Variants in LMTK2 observed in about 807,000 individuals in gnomAD.
The protein encoded by LMTK2 is lemur tail kinase 2, also known as serine/threonine-protein kinase LMTK2.
A neutral mutation model predicts 127.5 loss-of-function variants in LMTK2; 37 were observed. The observed-to-expected ratio is 0.29, with a 90% CI of 0.22 to 0.38. The LOEUF (loss-of-function observed/expected upper bound fraction) is 0.38, where lower values mean the gene tolerates loss of function less well. Among genes scored for constraint, LMTK2 ranks in the 10% least tolerant of loss-of-function variants. The pLI is 1.00. For synonymous variants in LMTK2, 819 were observed against 810.1 expected, an observed-to-expected ratio of 1.01 and a Z score of -0.19; for missense variants, 1,694 against 1,920.3, an observed-to-expected ratio of 0.88 and a Z score of 2.20.
Position 98,194,115 on chromosome 7 carries a change from C to G in LMTK2, c.3650C>G (p.Thr1217Arg). Residue 1217 changes from threonine (T) to arginine (R), a missense_variant, in exon 11 of 14, where the codon ACA becomes AGA. Physicochemically the swap from Thr to Arg is moderately conservative, Grantham distance 71. This residue lies in a region of LMTK2 where 554 missense variants were observed against 567.7 expected (regional missense o/e 0.98). Coordinates refer to ENST00000297293, the MANE Select transcript of LMTK2 (RefSeq NM_014916.4). The surrounding 1 kb of genome is among the most constrained non-coding windows in gnomAD (Gnocchi z 5.4). ...AELSSGDDFETQDDRPCTLAS... is the reference protein window; with the variant it reads ...AELSSGDDFERQDDRPCTLAS... ...CTTAGCAGCGGCGATGACTTCGAGA[C>G]ACAGGACGATCGCCCCTGCACCCTC... is the stretch of plus-strand genomic sequence containing the variant. 6.2e-7 allele frequency: 1 copy of G among 1,614,116 alleles called. No individual in the cohort carries two copies. The highest frequency in any genetic ancestry group is 8.5e-7 in the Non-Finnish European group (1 of 1,180,038).
intron 6 of LMTK2, among the ~76,000 whole-genome samples, chr7:98,166,875 G>T (rs1360750406): frequency 1.3e-5 from 2 of 152,166 alleles, no homozygotes; most frequent in Non-Finnish European, 2.9e-5. Flanking sequence ...AGTGACACAC[G>T]ACTGTATTTT....
At chr7:98,200,735 C>A (rs1797693417) in intron 11 of LMTK2, among the ~76,000 whole-genome samples, 1 of 152,158 alleles carries the variant, frequency 6.6e-6, no homozygotes, top group Non-Finnish European at 1.5e-5. Context: ...CTCCTGCAGA[C>A]TTTCAGTCAT....
At position 98,190,946 on chromosome 7, in the gene LMTK2, A is replaced by G. The variant is rs560350922; in HGVS notation, c.1148+69A>G. 3 of 1,442,440 alleles carry G rather than the reference A, an allele frequency of 2.1e-6. No individual in the cohort carries two copies. In the East Asian group the frequency reaches 6.9e-5, roughly 33 times the overall value. The allele number at this position is 1,442,440 out of a possible 1,614,324, so 89.4% of individuals were successfully genotyped here. A position where few individuals can be genotyped will look rare whatever the true frequency, so the allele number is the denominator to read the frequency against. On this transcript the variant is annotated intron_variant, in intron 10 of 13. Coordinates refer to ENST00000297293, the MANE Select transcript of LMTK2 (RefSeq NM_014916.4). ...TGAGGTGTCCCCAAAACACAAAAAAATTCGTGGGCCAAATATTATGTTTCT... is the reference window on the plus strand; with the variant it reads ...TGAGGTGTCCCCAAAACACAAAAAAGTTCGTGGGCCAAATATTATGTTTCT...
At chr7:98,132,481 C>G (rs1796535101) in intron 1 of LMTK2, among the ~76,000 whole-genome samples, 1 of 152,136 alleles carries the variant, frequency 6.6e-6, no homozygotes, top group South Asian at 2.1e-4. Flanking sequence ...AATCTCCTGA[C>G]CTTGCGGTCC....
chr7:98,198,526 G>A (rs547936012), intron 11 of LMTK2, among the ~76,000 whole-genome samples: 34 of 151,826 alleles, frequency 2.2e-4, no homozygotes, highest in African/African-American at 8.2e-4. Context: ...TCGCTCTGTC[G>A]CCCAGGCTGT....
At chr7:98,134,040 G>A (rs1796563122) in intron 1 of LMTK2, among the ~76,000 whole-genome samples, 2 of 152,146 alleles carry the variant, frequency 1.3e-5, no homozygotes, top group African/African-American at 4.8e-5. Flanking sequence ...AAGTGTTAAA[G>A]GTTAACCACA....
rs1033667350 is a variant in LMTK2 at position 98,169,042 on chromosome 7, TAACATA to T, written c.658-2493_658-2488del. On this transcript the variant is annotated intron_variant, in intron 6 of 13. Transcript: ENST00000297293. ...AATGAATCAAATTTTAGTACTTGCT[TAACATA>T]AACATTTTTACTCTAATTAAAGATT... 5.3e-5 allele frequency among the ~76,000 whole-genome samples: 8 copies of T among 152,194 alleles called. No individual in the cohort carries two copies. In the East Asian group the frequency reaches 1.2e-3, roughly 22 times the overall value.
chr7:98,107,875 C>G (rs1210082198), intron 1 of LMTK2, among the ~76,000 whole-genome samples: 3 of 152,126 alleles, frequency 2.0e-5, no homozygotes, highest in Non-Finnish European at 4.4e-5. Context: ...TATTGACAAA[C>G]TGGCTTAAGG....
At position 98,208,151 on chromosome 7, in the gene LMTK2, A is replaced by T. The variant is rs1014103086; in HGVS notation, c.*2659A>T. On this transcript the variant is annotated 3_prime_UTR_variant, in exon 14 of 14. Transcript: ENST00000297293. ...TTTTCATAACATAATTCCCATTTTT[A>T]TTTATTTTGAGTCACTCATAATTAA... 2 of 151,534 alleles carry T rather than the reference A, an allele frequency of 1.3e-5. No individual in the cohort carries two copies. The highest frequency in any genetic ancestry group is 2.4e-5 in the African/African-American group (1 of 41,236). The allele number at this position is 151,534 out of a possible 1,614,324, so 9.4% of individuals were successfully genotyped here.
chr7:98,132,271 GA>G (rs1796530505), intron 1 of LMTK2, among the ~76,000 whole-genome samples: 1 of 151,092 alleles, frequency 6.6e-6, no homozygotes, highest in Non-Finnish European at 1.5e-5. Context: ...TTTTTTTTGA[GA>G]CGGAGTCTCA....
chr7:98,109,299 A>C (rs533393100), intron 1 of LMTK2, among the ~76,000 whole-genome samples: 7 of 152,346 alleles, frequency 4.6e-5, no homozygotes, highest in African/African-American at 1.4e-4. Flanking sequence ...TCAAATCTTG[A>C]CATACATATA....
intron 5 of LMTK2, 46 bp downstream of exon 5, chr7:98,154,922 G>C (rs1434751206): frequency 9.0e-7 from 1 of 1,113,814 alleles, no homozygotes; most frequent in Non-Finnish European, 1.4e-6. Context: ...TCTGTGGTCT[G>C]TTGAAGGTCA....
chr7:98,122,489 C>T (rs186012269), intron 1 of LMTK2, among the ~76,000 whole-genome samples: 1 of 152,170 alleles, frequency 6.6e-6, no homozygotes, highest in Admixed American at 6.5e-5. Context: ...GTGGAACAGT[C>T]AACAAATGTC....
chr7:98,197,782 C>T (rs1797649101), intron 11 of LMTK2, among the ~76,000 whole-genome samples: 1 of 152,212 alleles, frequency 6.6e-6, no homozygotes, highest in Admixed American at 6.5e-5. Context: ...TTTGAGAGTG[C>T]AGTGAGCTAT....
intron 1 of LMTK2, among the ~76,000 whole-genome samples, chr7:98,136,863 C>T (rs551577028): frequency 1.8e-4 from 28 of 152,258 alleles, no homozygotes; most frequent in African/African-American, 4.8e-4. Context: ...CGAGGAAAGA[C>T]GAGAAGCTGT....
At chr7:98,108,337 G>A (rs997974212) in intron 1 of LMTK2, among the ~76,000 whole-genome samples, 1 of 152,112 alleles carries the variant, frequency 6.6e-6, no homozygotes, top group Non-Finnish European at 1.5e-5. Context: ...GAGGTCAAGA[G>A]TTATTTTGGA....
chr7:98,168,652 A>G (rs1335015747), intron 6 of LMTK2, among the ~76,000 whole-genome samples: 4 of 152,226 alleles, frequency 2.6e-5, no homozygotes, highest in South Asian at 2.1e-4. Flanking sequence ...CAGAAAAGCT[A>G]TATAAAGCCC....
chr7:98,191,626 A>G lies in LMTK2; in HGVS notation c.1161A>G (p.Leu387=). 1 of 1,605,148 alleles carries G rather than the reference A, an allele frequency of 6.2e-7. No homozygotes were observed. Among genetic ancestry groups the G allele is most frequent in the Non-Finnish European group, 8.5e-7 (1 of 1,175,710 alleles). ...QPYSDRWYEV[L]QFCWLSPEKR... ...GTGTGCTGCTCAGGTATGAAGTCTT[A>G]CAGTTCTGTTGGCTGTCACCAGAAA... is the stretch of plus-strand genomic sequence containing the variant. The change falls in exon 11 of 14, where the codon TTA becomes TTG. Residue 387 remains leucine (L), a synonymous_variant. Transcript: ENST00000297293.
At chr7:98,185,721 T>C (rs1223189335) in intron 8 of LMTK2, among the ~76,000 whole-genome samples, 1 of 149,848 alleles carries the variant, frequency 6.7e-6, no homozygotes, top group African/African-American at 2.4e-5. Context: ...ACCTCCATTT[T>C]CTTTTCCTTT....
Sources: gnomAD v4.1 joint callset for allele counts (sites outside exome capture counted in the v4.1 genomes callset) on GRCh38, gnomAD v4.1.1 for gene constraint, gnomAD v4.1.1 regional missense constraint, Gnocchi (gnomAD v3.1) non-coding constraint, MANE v1.5 for transcripts, NCBI Gene and HGNC (gene_info 2026-07-23, HGNC 2026-07-21) for gene names.